The following FAM13A variants were observed in gnomAD, a reference collection of about 807,000 sequenced individuals.
The protein encoded by FAM13A is protein FAM13A.
FAM13A carries 76 observed loss-of-function variants against 129.6 expected under a neutral mutation model. The observed-to-expected ratio is 0.59, with a 90% CI of 0.49 to 0.71. The LOEUF (loss-of-function observed/expected upper bound fraction) is 0.71. Ranked by LOEUF, FAM13A falls within the 30% of genes least tolerant of loss-of-function variation. The pLI, the probability that FAM13A is intolerant of heterozygous loss-of-function variation, is 0.00. For missense variants in FAM13A, 1,108 were observed against 1,249.3 expected (o/e 0.89, Z 1.70); for synonymous variants, 443 against 449.9 (o/e 0.98, Z 0.20).
At chr4:88,731,527 G>A in intron 22 of FAM13A, 99 bp from the exon 23 acceptor site, 1 of 653,980 alleles carries the variant, frequency 1.5e-6, no homozygotes, top group Non-Finnish European at 2.6e-6. Context: ...GAAAGGGGAG[G>A]CAAGTAAATG....
At chr4:88,883,749 A>G (rs1743970919) in intron 6 of FAM13A, among the ~76,000 whole-genome samples, 1 of 152,184 alleles carries the variant, frequency 6.6e-6, no homozygotes, top group Non-Finnish European at 1.5e-5. Flanking sequence ...CATAAATAAA[A>G]TTGATAGACC....
intron 4 of FAM13A, among the ~76,000 whole-genome samples, chr4:88,951,183 T>C (rs929358539): frequency 9.2e-5 from 14 of 152,172 alleles, no homozygotes; most frequent in African/African-American, 3.4e-4. Context: ...GGTTTTGTCC[T>C]AGATGATATA....
intron 7 of FAM13A, among the ~76,000 whole-genome samples, chr4:88,838,210 G>A (rs1358601948): frequency 6.6e-6 from 1 of 152,066 alleles, no homozygotes; most frequent in Non-Finnish European, 1.5e-5. Context: ...ATATACCTAC[G>A]TATAACAATA....
chr4:88,884,877 A>T (rs532615802), intron 6 of FAM13A, among the ~76,000 whole-genome samples: 1 of 152,310 alleles, frequency 6.6e-6, no homozygotes, highest in African/African-American at 2.4e-5. Context: ...AATAAAAGCA[A>T]GAACTCAACC....
At chr4:89,025,247 T>TG (rs1240841568) in intron 2 of FAM13A, among the ~76,000 whole-genome samples, 3,495 of 42,594 alleles carry the variant, frequency 0.082, 312 homozygotes, top group African/African-American at 0.36. Context: ...GAATCATTGT[T>TG]TTTTTTTTTT....
At chr4:88,910,611 T>C (rs568743889) in intron 5 of FAM13A, among the ~76,000 whole-genome samples, 21 of 151,920 alleles carry the variant, frequency 1.4e-4, no homozygotes, top group Admixed American at 1.1e-3. Flanking sequence ...TGTTTCCCCA[T>C]AGCCCTTAGA....
At chr4:88,965,200 A>G (rs1295661595) in intron 4 of FAM13A, among the ~76,000 whole-genome samples, 1 of 152,202 alleles carries the variant, frequency 6.6e-6, no homozygotes, top group Non-Finnish European at 1.5e-5. Context: ...ACCAAGTGGA[A>G]GAAACAGTGC....
In FAM13A at chr4:88,785,685, G is replaced by A. The variant is rs182997077; in HGVS notation, c.1271+2068C>T. On this transcript the variant is annotated intron_variant, in intron 10 of 23. Transcript: ENST00000264344. The stretch of plus-strand genomic sequence containing the variant: ...TAAGGGGAGAGGGGTTGCAGGAAAT[G>A]ACTACTGACCTACGGTCAAAGCTGG... Among the ~76,000 whole-genome samples, 13 of 152,332 alleles carry A rather than the reference G, an allele frequency of 8.5e-5. No homozygotes were observed. In the East Asian group the frequency reaches 2.5e-3, roughly 29 times the overall value.
intron 3 of FAM13A, among the ~76,000 whole-genome samples, chr4:89,019,279 G>A (rs1243834226): frequency 6.6e-6 from 1 of 152,194 alleles, no homozygotes; most frequent in Admixed American, 6.5e-5. Context: ...CACCACTGCT[G>A]TAAAGGAATG....
intron 3 of FAM13A, among the ~76,000 whole-genome samples, chr4:88,993,545 G>A (rs894601917): frequency 1.3e-5 from 2 of 152,164 alleles, no homozygotes; most frequent in African/African-American, 4.8e-5. Context: ...CAAAATAGTT[G>A]TGAATTTATG....
Position 88,887,189 on chromosome 4 carries a change from A to G in FAM13A, c.843+19190T>C, listed in dbSNP as rs975416706. Among the ~76,000 whole-genome samples, 142 of 152,298 alleles carry G rather than the reference A, an allele frequency of 9.3e-4. 2 individuals carry two copies. Among genetic ancestry groups the G allele is most frequent in the Admixed American group, 9.2e-3 (140 of 15,290 alleles). ...AGACTACACATTGGGTACAGTGTAC[A>G]CTGTTCATGTAATAGGTGCACCAAA... On this transcript the variant is annotated intron_variant, in intron 6 of 23. Coordinates refer to ENST00000264344, the MANE Select transcript of FAM13A (RefSeq NM_014883.4).
chr4:88,945,146 T>C (rs1485154990), intron 4 of FAM13A, among the ~76,000 whole-genome samples: 2 of 152,216 alleles, frequency 1.3e-5, no homozygotes, highest in Non-Finnish European at 2.9e-5. Flanking sequence ...TGTAATTAGA[T>C]TGTAGCTCTG....
At chr4:88,766,919 C>T (rs1452947125) in intron 13 of FAM13A, among the ~76,000 whole-genome samples, 1 of 152,176 alleles carries the variant, frequency 6.6e-6, no homozygotes, top group Non-Finnish European at 1.5e-5. Flanking sequence ...ATTGCATACA[C>T]ATACATGAAT....
intron 3 of FAM13A, among the ~76,000 whole-genome samples, chr4:89,001,222 G>A (rs1764206255): frequency 1.3e-5 from 2 of 152,238 alleles, no homozygotes; most frequent in Non-Finnish European, 1.5e-5. Flanking sequence ...GATGAGAGCA[G>A]TCCAATTGGA....
At chr4:89,040,862 G>A (rs950244116) in intron 1 of FAM13A, among the ~76,000 whole-genome samples, 1 of 152,196 alleles carries the variant, frequency 6.6e-6, no homozygotes, top group African/African-American at 2.4e-5. Flanking sequence ...CCCTCAGTCT[G>A]GGTGGGCACC....
intron 3 of FAM13A, among the ~76,000 whole-genome samples, chr4:89,003,167 C>A (rs916632708): frequency 6.6e-6 from 1 of 151,576 alleles, no homozygotes; most frequent in Non-Finnish European, 1.5e-5. Context: ...ACATCTACAA[C>A]CAATACAAGT....
rs191856001 is a variant in FAM13A, at chr4:88,900,494, A to G, written c.843+5885T>C. The stretch of plus-strand genomic sequence containing the variant: ...CAGAAGAGATTAGGTACCAATATTC[A>G]ACATTCTTAAAAAAAAGAATTTCCA... On this transcript the variant is annotated intron_variant, in intron 6 of 23. Coordinates refer to ENST00000264344, the MANE Select transcript of FAM13A (RefSeq NM_014883.4). 2.0e-5 allele frequency among the ~76,000 whole-genome samples: 3 copies of G among 152,248 alleles called. No homozygotes were observed. The East Asian group carries it at 5.8e-4, about 29-fold the overall frequency.
intron 1 of FAM13A, 158 bp from the exon 2 acceptor site, chr4:89,029,807 T>A: frequency 1.5e-6 from 1 of 680,996 alleles, no homozygotes; most frequent in East Asian, 2.8e-5. Context: ...ATCTCTCACA[T>A]GTTGCTCAGA....
intron 5 of FAM13A, chr4:88,936,917 G>T (rs1753946194): frequency 6.6e-6 from 1 of 152,138 alleles, no homozygotes; most frequent in Non-Finnish European, 1.5e-5. Context: ...TTTAAAAAGA[G>T]ATCCTTTTCA....
Sources: gnomAD v4.1 joint callset for allele counts (sites outside exome capture counted in the v4.1 genomes callset) on GRCh38, gnomAD v4.1.1 for gene constraint, MANE v1.5 for transcripts, NCBI Gene and HGNC (gene_info 2026-07-23, HGNC 2026-07-21) for gene names.